Variants in KDM4C observed in about 807,000 individuals in gnomAD.
The protein encoded by KDM4C is lysine-specific demethylase 4C.
Under a neutral mutation model 129.3 loss-of-function variants are expected in KDM4C, and 81 were observed. The ratio of observed to expected loss-of-function variants is 0.63; its 90% CI spans 0.52 to 0.75. The LOEUF is 0.75. Ranked by LOEUF, KDM4C falls within the 30% of genes least tolerant of loss-of-function variation. The pLI, the probability that KDM4C is intolerant of heterozygous loss-of-function variation, is 0.00. For synonymous variants in KDM4C, 573 were observed against 456.1 expected, an observed-to-expected ratio of 1.26 and a Z score of -3.26; for missense variants, 1,457 against 1,304.0, an observed-to-expected ratio of 1.12 and a Z score of -1.81.
intron 8 of KDM4C, among the ~76,000 whole-genome samples, chr9:6,962,544 A>G (rs1830210389): frequency 6.6e-6 from 1 of 152,236 alleles, no homozygotes; most frequent in Non-Finnish European, 1.5e-5. Context: ...TATTAAAGGA[A>G]CAAGAAATCC....
chr9:6,854,581 A>G (rs1200050104), intron 5 of KDM4C, among the ~76,000 whole-genome samples: 1 of 151,064 alleles, frequency 6.6e-6, no homozygotes, highest in Non-Finnish European at 1.5e-5. Context: ...TACTCTGTAG[A>G]GAACAAGGGA....
intron 5 of KDM4C, among the ~76,000 whole-genome samples, chr9:6,879,360 T>A (rs940636689): frequency 3.3e-5 from 5 of 152,200 alleles, no homozygotes; most frequent in Non-Finnish European, 7.4e-5. Flanking sequence ...GAAATGAGTA[T>A]TTCTGTTCTT....
chr9:6,870,185 A>G (rs925132364), intron 5 of KDM4C, among the ~76,000 whole-genome samples: 7 of 151,920 alleles, frequency 4.6e-5, no homozygotes, highest in Non-Finnish European at 1.0e-4. Flanking sequence ...AAAAACAACC[A>G]CTTCAGGTAG....
chr9:6,949,540 G>T (rs535539455), intron 8 of KDM4C, among the ~76,000 whole-genome samples: 17 of 152,336 alleles, frequency 1.1e-4, no homozygotes, highest in African/African-American at 4.1e-4. Context: ...CTGCCCTCCA[G>T]CCTGGGCACC....
chr9:7,016,227 A>G (rs1158076143), intron 15 of KDM4C, among the ~76,000 whole-genome samples: 1 of 151,536 alleles, frequency 6.6e-6, no homozygotes, highest in Non-Finnish European at 1.5e-5. Flanking sequence ...TTCCAGGTTC[A>G]CACCATTCTC....
At chr9:7,025,938 C>T (rs924220946) in intron 15 of KDM4C, among the ~76,000 whole-genome samples, 1 of 152,156 alleles carries the variant, frequency 6.6e-6, no homozygotes, top group African/African-American at 2.4e-5. Context: ...GACACGGTGG[C>T]CCATGCCTGT....
chr9:7,125,413 C>T (rs964155945), intron 18 of KDM4C, among the ~76,000 whole-genome samples: 3 of 152,188 alleles, frequency 2.0e-5, no homozygotes, highest in Non-Finnish European at 2.9e-5. Context: ...TAGGCCTGTT[C>T]CAGGAAACAG....
chr9:6,975,683 G>C (rs1195074349), intron 8 of KDM4C, among the ~76,000 whole-genome samples: 1 of 152,036 alleles, frequency 6.6e-6, no homozygotes, highest in Non-Finnish European at 1.5e-5. Context: ...AGTATAGAGT[G>C]GTGTAGGAAG....
At chr9:7,031,130 G>GTTTGTTTGTTTATTTATTTATTTA (rs376556912) in intron 15 of KDM4C, among the ~76,000 whole-genome samples, 1 of 141,162 alleles carries the variant, frequency 7.1e-6, no homozygotes, top group Non-Finnish European at 1.5e-5. Flanking sequence ...TATTTTACTT[G>GTTTGTTTGTTTATTTATTTATTTA]TTTATTTATT....
chr9:7,115,596 A>G lies in KDM4C; in HGVS notation c.2610+11726A>G, dbSNP rs552873982. 2.0e-5 allele frequency among the ~76,000 whole-genome samples: 3 copies of G among 152,338 alleles called. No homozygotes were observed. The East Asian group carries it at 5.8e-4, about 29-fold the overall frequency. On this transcript the variant is annotated intron_variant, in intron 18 of 21. Coordinates refer to ENST00000381309, the MANE Select transcript of KDM4C (RefSeq NM_015061.6). ...CATAGCCGTAATGAAAACCTTAGAT[A>G]CTGACAAAATGTAATGAAAGTATAT...
At chr9:6,944,133 C>T (rs975039313) in intron 8 of KDM4C, among the ~76,000 whole-genome samples, 1 of 152,068 alleles carries the variant, frequency 6.6e-6, no homozygotes, top group Non-Finnish European at 1.5e-5. Flanking sequence ...GTTAGGAAAT[C>T]CTCTTAAATG....
chr9:7,027,494 C>G (rs1033970482), intron 15 of KDM4C, among the ~76,000 whole-genome samples: 4 of 152,328 alleles, frequency 2.6e-5, no homozygotes, highest in African/African-American at 7.2e-5. Flanking sequence ...ACAGAAGACT[C>G]TCTGTTGTTA....
In KDM4C at chr9:7,006,292, T is replaced by G. The variant is rs142434997; in HGVS notation, c.1787-5406T>G. ...TTTTAGAATTTCCTGTGCTTCAAAT[T>G]AATGGGGCCTCCCCTTCTCATAACA... On this transcript the variant is annotated intron_variant, in intron 12 of 21. Transcript: ENST00000381309. 6.9e-3 allele frequency among the ~76,000 whole-genome samples: 1,046 copies of G among 152,310 alleles called. 12 individuals are homozygous for G. Among genetic ancestry groups the G allele is most frequent in the African/African-American group, 0.024 (993 of 41,566 alleles).
chr9:7,054,716 A>G (rs558343711), intron 17 of KDM4C, among the ~76,000 whole-genome samples: 1 of 152,350 alleles, frequency 6.6e-6, no homozygotes, highest in African/African-American at 2.4e-5. Context: ...TATTGTATAC[A>G]TTGATCACTT....
intron 1 of KDM4C, among the ~76,000 whole-genome samples, chr9:6,743,284 A>C (rs1206868192): frequency 6.6e-6 from 1 of 152,142 alleles, no homozygotes; most frequent in Non-Finnish European, 1.5e-5. Flanking sequence ...TCACTGAGGC[A>C]CTTCGTTCAA....
chr9:6,911,724 A>G (rs1819349297), intron 8 of KDM4C, among the ~76,000 whole-genome samples: 1 of 152,242 alleles, frequency 6.6e-6, no homozygotes, highest in African/African-American at 2.4e-5. Context: ...TATTGTGGTC[A>G]TGAAGCTTTT....
intron 3 of KDM4C, among the ~76,000 whole-genome samples, chr9:6,807,263 C>T (rs1384866356): frequency 6.6e-6 from 1 of 152,084 alleles, no homozygotes; most frequent in Non-Finnish European, 1.5e-5. Context: ...CTGCCTTGGC[C>T]TCCCAAAGTG....
At chr9:6,982,553 T>G (rs1473958496) in intron 9 of KDM4C, 1 of 152,224 alleles carries the variant, frequency 6.6e-6, no homozygotes, top group Non-Finnish European at 1.5e-5. Context: ...TAACTCACTG[T>G]GGGTTACATT....
intron 1 of KDM4C, among the ~76,000 whole-genome samples, chr9:6,751,086 TA>T (rs1394361739): frequency 6.6e-6 from 1 of 152,188 alleles, no homozygotes; most frequent in Non-Finnish European, 1.5e-5. Flanking sequence ...GCAATGTATC[TA>T]ATGTCTAGCT....
Sources: allele counts gnomAD v4.1 joint callset (sites outside exome capture counted in the v4.1 genomes callset), GRCh38; gene constraint gnomAD v4.1.1; transcripts MANE v1.5; gene names NCBI Gene and HGNC (gene_info 2026-07-23, HGNC 2026-07-21).